The following WWC2 variants were observed in gnomAD, a reference collection of about 807,000 sequenced individuals.
WWC2 encodes the protein protein WWC2.
In WWC2, 101 loss-of-function variants were observed where a neutral mutation model predicts 138.5. The ratio of observed to expected loss-of-function variants is 0.73; its 90% CI spans 0.62 to 0.86. The LOEUF is 0.86. Among genes scored for constraint, WWC2 ranks in the 40% least tolerant of loss-of-function variants. The pLI is 0.00. For missense variants in WWC2, 1,420 were observed against 1,419.4 expected (o/e 1.00, Z -0.01); for synonymous variants, 558 against 538.4 (o/e 1.04, Z -0.50).
chr4:183,247,923 T>C (rs1217213040), intron 6 of WWC2, among the ~76,000 whole-genome samples: 1 of 151,078 alleles, frequency 6.6e-6, no homozygotes, highest in East Asian at 1.9e-4. Flanking sequence ...ACAGGCTCTT[T>C]TGTTGATAAT....
chr4:183,183,133 G>A (rs548701804), intron 1 of WWC2, among the ~76,000 whole-genome samples: 1 of 152,194 alleles, frequency 6.6e-6, no homozygotes, highest in South Asian at 2.1e-4. Context: ...ACACAATCAA[G>A]AATAGTATTT....
At chr4:183,262,675 A>G (rs1737366916) in intron 11 of WWC2, among the ~76,000 whole-genome samples, 1 of 152,184 alleles carries the variant, frequency 6.6e-6, no homozygotes, top group Non-Finnish European at 1.5e-5. Context: ...ATAACCACAA[A>G]GAAAATAACC....
intron 17 of WWC2, among the ~76,000 whole-genome samples, chr4:183,281,730 A>G (rs911779871): frequency 1.3e-5 from 2 of 152,184 alleles, no homozygotes; most frequent in Non-Finnish European, 2.9e-5. Flanking sequence ...GTAAAAAGAT[A>G]TAGATATACT....
At chr4:183,269,454 A>C (rs1450707390) in intron 15 of WWC2, 1 of 550,838 alleles carries the variant, frequency 1.8e-6, no homozygotes, top group East Asian at 4.7e-5. Flanking sequence ...TCACTCATGG[A>C]GTGTGCTTAC....
chr4:183,242,653 G>A (rs1036703836), intron 5 of WWC2, among the ~76,000 whole-genome samples: 14 of 152,140 alleles, frequency 9.2e-5, no homozygotes, highest in Admixed American at 4.6e-4. Flanking sequence ...TGAAAATTTG[G>A]TTCTCAAGGT....
chr4:183,163,894 A>G (rs1329247404), intron 1 of WWC2, among the ~76,000 whole-genome samples: 1 of 152,126 alleles, frequency 6.6e-6, no homozygotes, highest in East Asian at 1.9e-4. Context: ...GGCAAGATTA[A>G]TGGGAGTGGC....
intron 6 of WWC2, among the ~76,000 whole-genome samples, chr4:183,247,755 A>C (rs985592575): frequency 5.5e-4 from 77 of 139,930 alleles, no homozygotes; most frequent in African/African-American, 1.7e-3. Context: ...ATACTACATA[A>C]TATATATATA....
rs1267358641 is a variant in WWC2 at position 183,317,412 on chromosome 4, C to CAGCCT, written c.*1686_*1690dup. 2.0e-5 allele frequency: 3 copies of CAGCCT among 152,618 alleles called. No homozygotes were observed. Among genetic ancestry groups the CAGCCT allele is most frequent in the Non-Finnish European group, 4.4e-5 (3 of 68,034 alleles). 9.5% of individuals were successfully genotyped at this position (152,618 alleles called of 1,614,324 possible). On this transcript the variant is annotated 3_prime_UTR_variant, in exon 23 of 23. Transcript: ENST00000403733. ...GGCAGACACTGCTTTGAACAAAAAC[C>CAGCCT]AGCCTAGTGAATTGACTGAGTACAG...
Position 183,319,273 on chromosome 4 carries a change from A to G in WWC2, c.*3544A>G, listed in dbSNP as rs1739551769. On this transcript the variant is annotated 3_prime_UTR_variant, in exon 23 of 23. Transcript: ENST00000403733. ...ATAATACCTTCAAAGATACATAGAG[A>G]TTAATGTTTTATTTACCACTTCTGT... 1 of 332,798 alleles carries G rather than the reference A, an allele frequency of 3.0e-6. No homozygotes were observed. The highest frequency in any genetic ancestry group is 2.1e-5 in the African/African-American group (1 of 47,832). The allele number at this position is 332,798 out of a possible 1,614,324, so 20.6% of individuals were successfully genotyped here.
At chr4:183,253,098 C>G in intron 8 of WWC2, among the ~76,000 whole-genome samples, 1 of 152,112 alleles carries the variant, frequency 6.6e-6, no homozygotes, top group Non-Finnish European at 1.5e-5. Flanking sequence ...CCAGGCTGGT[C>G]TCGAACTCAT....
intron 1 of WWC2, among the ~76,000 whole-genome samples, chr4:183,172,556 G>GTTTTTTTTTTTTTTTTTTGTTTTTTT (rs1734323796): frequency 8.8e-6 from 1 of 113,064 alleles, no homozygotes; most frequent in Non-Finnish European, 1.8e-5. Flanking sequence ...TATGTTTCTT[G>GTTTTTTTTTTTTTTTTTTGTTTTTTT]TTTTTTTTTT....
chr4:183,257,144 C>G (rs767529164), intron 9 of WWC2, among the ~76,000 whole-genome samples: 43 of 152,298 alleles, frequency 2.8e-4, no homozygotes, highest in Non-Finnish European at 5.6e-4. Flanking sequence ...CTGGTAAGAT[C>G]TTAACATTGC....
At chr4:183,229,608 G>GCATGCCC (rs1436236949) in intron 4 of WWC2, among the ~76,000 whole-genome samples, 3 of 152,004 alleles carry the variant, frequency 2.0e-5, no homozygotes, top group South Asian at 2.1e-4. Flanking sequence ...GATGAGAAGG[G>GCATGCCC]CATGTCACCT....
chr4:183,229,624 G>T (rs1736182293), intron 4 of WWC2, among the ~76,000 whole-genome samples: 1 of 151,992 alleles, frequency 6.6e-6, no homozygotes, highest in African/African-American at 2.4e-5. Context: ...CACCTCTGTG[G>T]TATTCTTTTC....
chr4:183,165,249 G>T (rs549796017), intron 1 of WWC2, among the ~76,000 whole-genome samples: 1 of 152,250 alleles, frequency 6.6e-6, no homozygotes, highest in East Asian at 1.9e-4. Context: ...TCATGTCAGG[G>T]CTTTGGAAGG....
intron 5 of WWC2, among the ~76,000 whole-genome samples, chr4:183,243,299 A>G (rs776673855): frequency 1.3e-5 from 2 of 152,232 alleles, no homozygotes; most frequent in Non-Finnish European, 2.9e-5. Context: ...ATTCACTTTG[A>G]CACAATTTCA....
intron 1 of WWC2, among the ~76,000 whole-genome samples, chr4:183,158,258 G>A (rs926633926): frequency 2.0e-5 from 3 of 152,062 alleles, no homozygotes; most frequent in Non-Finnish European, 4.4e-5. Context: ...AAACCACAGC[G>A]CTTGTGGAAA....
intron 1 of WWC2, among the ~76,000 whole-genome samples, chr4:183,190,603 A>C (rs1490130218): frequency 6.6e-6 from 1 of 152,106 alleles, no homozygotes; most frequent in African/African-American, 2.4e-5. Context: ...ATTTATCCAT[A>C]TATAGAAAAT....
intron 1 of WWC2, among the ~76,000 whole-genome samples, chr4:183,185,386 C>T (rs1039176606): frequency 6.6e-6 from 1 of 152,106 alleles, no homozygotes; most frequent in Admixed American, 6.5e-5. Flanking sequence ...GTTATAACCT[C>T]CTATTTAAGA....
Sources: gnomAD v4.1 joint callset for allele counts (sites outside exome capture counted in the v4.1 genomes callset) on GRCh38, gnomAD v4.1.1 for gene constraint, MANE v1.5 for transcripts, NCBI Gene and HGNC (gene_info 2026-07-23, HGNC 2026-07-21) for gene names.